VWA8: variants seen among roughly 807,000 people sequenced by gnomAD.
The protein encoded by VWA8 is von Willebrand factor A domain-containing protein 8.
Under a neutral mutation model 241.5 loss-of-function variants are expected in VWA8, and 221 were observed. The observed-to-expected ratio is 0.91, with a 90% confidence interval of 0.82 to 1.02. The LOEUF (loss-of-function observed/expected upper bound fraction) is 1.02, where lower values mean the gene tolerates loss of function less well. Ranked by LOEUF, VWA8 falls within the 50% of genes least tolerant of loss-of-function variation. The pLI is 0.00. For missense variants in VWA8, 2,322 were observed against 2,328.7 expected (o/e 1.00, Z 0.06); for synonymous variants, 852 against 827.1 (o/e 1.03, Z -0.52).
intron 21 of VWA8, among the ~76,000 whole-genome samples, chr13:41,741,678 T>C (rs1593736156): frequency 6.6e-6 from 1 of 152,220 alleles, no homozygotes; most frequent in African/African-American, 2.4e-5. Flanking sequence ...AATAAACACA[T>C]GAATGTATTA....
At chr13:41,787,692 A>T in intron 17 of VWA8, 149 bp from the exon 18 acceptor site, 1 of 577,066 alleles carries the variant, frequency 1.7e-6, no homozygotes, top group South Asian at 2.3e-5. Context: ...TAAAATCTAA[A>T]TCAAACAAAA....
intron 12 of VWA8, among the ~76,000 whole-genome samples, chr13:41,842,574 A>T (rs1439014402): frequency 6.6e-6 from 1 of 152,256 alleles, no homozygotes; most frequent in Non-Finnish European, 1.5e-5. Flanking sequence ...TGAACACAGA[A>T]TAAATTTCTC....
intron 12 of VWA8, among the ~76,000 whole-genome samples, chr13:41,837,922 A>T (rs1373366621): frequency 1.3e-5 from 2 of 152,204 alleles, no homozygotes; most frequent in East Asian, 3.8e-4. Context: ...CATTTTTAAA[A>T]TAACAGGACA....
At chr13:41,782,417 T>C (rs939578543) in intron 19 of VWA8, among the ~76,000 whole-genome samples, 5 of 152,248 alleles carry the variant, frequency 3.3e-5, no homozygotes, top group African/African-American at 1.2e-4. Flanking sequence ...AGTGTAATAC[T>C]ATCAGTGCTT....
At position 41,801,619 on chromosome 13, in the gene VWA8, T is replaced by G. The variant is rs537981133; in HGVS notation, c.2063+9606A>C. Among the ~76,000 whole-genome samples, 16 of 152,338 alleles carry G rather than the reference T, an allele frequency of 1.1e-4. No homozygotes were observed. The South Asian group carries it at 3.1e-3, about 30-fold the overall frequency. ...TTCTTTAAAATAGCTTCATGTAAAT[T>G]TAATTCTGTAAGAAAATTCTACAAG... On this transcript the variant is annotated intron_variant, in intron 17 of 44. Coordinates refer to ENST00000379310, the MANE Select transcript of VWA8 (RefSeq NM_015058.2).
intron 39 of VWA8, among the ~76,000 whole-genome samples, chr13:41,607,048 A>G (rs2044558099): frequency 6.6e-6 from 1 of 152,204 alleles, no homozygotes; most frequent in Non-Finnish European, 1.5e-5. Context: ...GTATACACAA[A>G]TGCATGTATG....
At chr13:41,866,348 CAA>C (rs971802530) in intron 10 of VWA8, among the ~76,000 whole-genome samples, 44 of 141,872 alleles carry the variant, frequency 3.1e-4, no homozygotes, top group Admixed American at 3.6e-4. Flanking sequence ...GACTCTGTCC[CAA>C]AAAAAAAAAT....
At chr13:41,644,915 T>G (rs1166722490) in intron 37 of VWA8, among the ~76,000 whole-genome samples, 2 of 152,204 alleles carry the variant, frequency 1.3e-5, no homozygotes, top group Non-Finnish European at 2.9e-5. Context: ...ATTTATTGTT[T>G]CATTTAAAGT....
intron 2 of VWA8, among the ~76,000 whole-genome samples, chr13:41,935,591 A>G (rs868783738): frequency 1.5e-4 from 23 of 152,170 alleles, no homozygotes; most frequent in African/African-American, 5.5e-4. Flanking sequence ...TAATTTTAAA[A>G]ATTCAAAAAT....
intron 3 of VWA8, among the ~76,000 whole-genome samples, chr13:41,908,954 A>G (rs973777935): frequency 5.3e-5 from 8 of 152,168 alleles, no homozygotes; most frequent in Non-Finnish European, 1.2e-4. Context: ...TCCTATCTCC[A>G]TATGCTACTG....
At chr13:41,654,668 T>C (rs2044890976) in intron 37 of VWA8, among the ~76,000 whole-genome samples, 2 of 152,200 alleles carry the variant, frequency 1.3e-5, no homozygotes, top group Admixed American at 6.5e-5. Context: ...CTTCTTGCTG[T>C]GTGGGCCTGG....
intron 1 of VWA8, among the ~76,000 whole-genome samples, chr13:41,954,185 CT>C (rs765781173): frequency 1.7e-3 from 252 of 144,844 alleles, no homozygotes; most frequent in Admixed American, 2.1e-3. Flanking sequence ...TCTATACAAC[CT>C]TTTTTTTTTT....
intron 14 of VWA8, among the ~76,000 whole-genome samples, chr13:41,824,858 G>C (rs1170183761): frequency 6.6e-6 from 1 of 151,436 alleles, no homozygotes; most frequent in African/African-American, 2.4e-5. Context: ...AGAAAAGAAG[G>C]GAAGGGGAGA....
intron 4 of VWA8, among the ~76,000 whole-genome samples, chr13:41,901,879 A>T (rs1875448873): frequency 3.2e-5 from 3 of 93,096 alleles, no homozygotes; most frequent in South Asian, 5.3e-4. Flanking sequence ...AAAAAAAAAA[A>T]AAAAAAAAAA....
chr13:41,769,186 T>A (rs111554642), intron 20 of VWA8, among the ~76,000 whole-genome samples: 5 of 152,280 alleles, frequency 3.3e-5, no homozygotes, highest in South Asian at 2.1e-4. Flanking sequence ...GGATTACAGG[T>A]GTGAGCCATT....
At chr13:41,692,198 C>A (rs1052753847) in intron 30 of VWA8, among the ~76,000 whole-genome samples, 1 of 151,960 alleles carries the variant, frequency 6.6e-6, no homozygotes, top group Non-Finnish European at 1.5e-5. Context: ...TAAGAAATAA[C>A]AGGCTATCTG....
intron 37 of VWA8, among the ~76,000 whole-genome samples, chr13:41,619,955 G>C (rs1032798154): frequency 2.0e-5 from 3 of 152,122 alleles, no homozygotes; most frequent in South Asian, 2.1e-4. Flanking sequence ...TCTCTGCCAG[G>C]CTTTGGTATC....
chr13:41,707,917 G>T (rs2045292524), intron 26 of VWA8, among the ~76,000 whole-genome samples: 1 of 151,630 alleles, frequency 6.6e-6, no homozygotes, highest in African/African-American at 2.4e-5. Flanking sequence ...TACACTTCTG[G>T]GTTTCCACAT....
intron 2 of VWA8, among the ~76,000 whole-genome samples, chr13:41,949,475 G>T (rs775128195): frequency 6.6e-6 from 1 of 152,110 alleles, no homozygotes; most frequent in Admixed American, 6.5e-5. Context: ...GGGCCTGTCA[G>T]GGGGTAGGGG....
Sources: gnomAD v4.1 joint callset for allele counts (sites outside exome capture counted in the v4.1 genomes callset) on GRCh38, gnomAD v4.1.1 for gene constraint, MANE v1.5 for transcripts, NCBI Gene and HGNC (gene_info 2026-07-23, HGNC 2026-07-21) for gene names.